The following SNX25 variants were observed in gnomAD, a reference collection of about 807,000 sequenced individuals.
The protein encoded by SNX25 is sorting nexin 25, also known as sorting nexin-25.
In SNX25, 62 loss-of-function variants were observed where a neutral mutation model predicts 113.7. That is an observed-to-expected ratio of 0.55 (90% CI 0.44 to 0.67). The LOEUF is 0.67. Ranked by LOEUF, SNX25 falls within the 30% of genes least tolerant of loss-of-function variation. The pLI is 0.00. For synonymous variants in SNX25, 421 were observed against 436.2 expected (o/e 0.97, Z 0.43); for missense variants, 1,014 against 1,161.0 (o/e 0.87, Z 1.84).
upstream of SNX25, among the ~76,000 whole-genome samples, chr4:185,208,675 C>G (rs1018277868): frequency 1.3e-5 from 2 of 151,852 alleles, no homozygotes; most frequent in African/African-American, 4.8e-5. Flanking sequence ...TTGCAGTGAG[C>G]CGAGATCGCC....
intron 1 of SNX25, among the ~76,000 whole-genome samples, chr4:185,224,855 T>C (rs1466061869): frequency 1.3e-5 from 2 of 151,652 alleles, no homozygotes; most frequent in East Asian, 3.9e-4. Context: ...CTATGTGGTA[T>C]AACAAAATGT....
intron 1 of SNX25, among the ~76,000 whole-genome samples, chr4:185,240,508 TGGCTGGGCGGGG>T (rs1372630156): frequency 6.8e-6 from 1 of 147,624 alleles, no homozygotes; most frequent in African/African-American, 2.5e-5. Context: ...ATGGGGCGGC[TGGCTGGGCGGGG>T]GGCTGACCCC....
chr4:185,218,786 T>G (rs1739313179), intron 1 of SNX25, among the ~76,000 whole-genome samples: 1 of 152,200 alleles, frequency 6.6e-6, no homozygotes, highest in Non-Finnish European at 1.5e-5. Flanking sequence ...CTTGGAAAAT[T>G]AGATAAATAT....
chr4:185,210,193 C>A lies in SNX25; in HGVS notation c.367C>A (p.Pro123Thr). ...LVCRSPRAQP[P>T]DFAAAWSRLA... ...CTGCCGGAGCCCGCGCGCCCAGCCG[C>A]CCGACTTCGCCGCCGCCTGGAGCCG... The change falls in exon 1 of 19, where the codon CCC (proline) becomes ACC (threonine). Residue 123 changes from proline (P) to threonine (T), a missense_variant. Transcript: ENST00000652585. The surrounding 1 kb of genome is among the most constrained non-coding windows in gnomAD (Gnocchi z 4.4). The A allele has an allele frequency of 1.0e-6, 1 of 984,948 alleles. No homozygotes were observed. The highest frequency in any genetic ancestry group is 4.7e-5 in the South Asian group (1 of 21,330). 61.0% of individuals were successfully genotyped at this position (984,948 alleles called of 1,614,324 possible). A position where few individuals can be genotyped will look rare whatever the true frequency, so the allele number is the denominator to read the frequency against.
chr4:185,282,606 A>G (rs1433938119), intron 5 of SNX25, among the ~76,000 whole-genome samples: 1 of 152,130 alleles, frequency 6.6e-6, no homozygotes, highest in African/African-American at 2.4e-5. Context: ...AAGAGAGATG[A>G]GGTGGCCACT....
intron 1 of SNX25, among the ~76,000 whole-genome samples, chr4:185,245,271 G>A (rs2126478502): frequency 6.6e-6 from 1 of 150,856 alleles, no homozygotes; most frequent in Non-Finnish European, 1.5e-5. Context: ...TCTTTTTAAT[G>A]TAGTCTCACT....
At chr4:185,360,791 C>T (rs1019533201) in intron 16 of SNX25, among the ~76,000 whole-genome samples, 3 of 151,938 alleles carry the variant, frequency 2.0e-5, no homozygotes, top group African/African-American at 7.3e-5. Flanking sequence ...TGGTGGCACA[C>T]GCCTGTAGTC....
intron 7 of SNX25, among the ~76,000 whole-genome samples, chr4:185,316,381 G>C (rs1389346884): frequency 1.3e-5 from 2 of 152,200 alleles, no homozygotes; most frequent in Non-Finnish European, 2.9e-5. Context: ...CACAGAACTG[G>C]AAAGTCGCAG....
chr4:185,236,921 A>G (rs984253888), intron 1 of SNX25, among the ~76,000 whole-genome samples: 2 of 152,242 alleles, frequency 1.3e-5, no homozygotes, highest in Non-Finnish European at 2.9e-5. Context: ...GAAATGTACC[A>G]AAATGTTATT....
At chr4:185,346,377 C>T (rs1172514872) in intron 12 of SNX25, among the ~76,000 whole-genome samples, 160 bp from the exon 13 acceptor site, 1 of 152,164 alleles carries the variant, frequency 6.6e-6, no homozygotes, top group Admixed American at 6.5e-5. Context: ...AGTTTCCGTT[C>T]CTCCCAATTC....
At chr4:185,282,063 C>T (rs182922586) in intron 5 of SNX25, among the ~76,000 whole-genome samples, 16 of 152,182 alleles carry the variant, frequency 1.1e-4, no homozygotes, top group Admixed American at 6.5e-4. Flanking sequence ...CATAAGCACT[C>T]GTAATGTGTA....
At chr4:185,251,781 T>G (rs931027403) in intron 2 of SNX25, among the ~76,000 whole-genome samples, 1 of 152,090 alleles carries the variant, frequency 6.6e-6, no homozygotes, top group African/African-American at 2.4e-5. Context: ...AGACGTGACC[T>G]TTATTTTAGA....
chr4:185,286,265 A>T (rs975366838), intron 5 of SNX25, among the ~76,000 whole-genome samples: 4 of 152,050 alleles, frequency 2.6e-5, no homozygotes, highest in African/African-American at 9.7e-5. Context: ...ACCGGCATGC[A>T]TCACCACTCC....
intron 6 of SNX25, among the ~76,000 whole-genome samples, chr4:185,297,063 C>G (rs983009253): frequency 1.4e-5 from 2 of 148,060 alleles, no homozygotes; most frequent in Admixed American, 6.9e-5. Context: ...GTTGATTTTT[C>G]TGCTTATTTT....
intron 1 of SNX25, among the ~76,000 whole-genome samples, chr4:185,225,481 C>T (rs1007140858): frequency 6.6e-6 from 1 of 152,148 alleles, no homozygotes; most frequent in Non-Finnish European, 1.5e-5. Context: ...GCTTTGTAAT[C>T]CTCTATGTCA....
intron 1 of SNX25, among the ~76,000 whole-genome samples, chr4:185,224,466 A>AATAG (rs1740562477): frequency 9.7e-6 from 1 of 103,620 alleles, no homozygotes; most frequent in Non-Finnish European, 2.1e-5. Flanking sequence ...TAGATATATA[A>AATAG]ATATATAAAT....
At chr4:185,248,890 A>T (rs893609283) in intron 2 of SNX25, among the ~76,000 whole-genome samples, 7 of 152,174 alleles carry the variant, frequency 4.6e-5, no homozygotes, top group African/African-American at 1.7e-4. Flanking sequence ...CTAAAACTTT[A>T]TGGAAATGGA....
At chr4:185,209,113 A>G (rs748820703), upstream of SNX25, among the ~76,000 whole-genome samples, 12 of 152,188 alleles carry the variant, frequency 7.9e-5, no homozygotes, top group Admixed American at 5.9e-4. The surrounding 1 kb of genome is among the most constrained non-coding windows in gnomAD (Gnocchi z 5.2). Flanking sequence ...TAGGAATTGC[A>G]GGCTTCACTT....
intron 6 of SNX25, among the ~76,000 whole-genome samples, chr4:185,298,767 A>G (rs1753214505): frequency 6.6e-6 from 1 of 152,150 alleles, no homozygotes. Context: ...CACTCTGTCT[A>G]GATAACTCCT....
Sources: allele counts gnomAD v4.1 joint callset (sites outside exome capture counted in the v4.1 genomes callset), GRCh38; gene constraint gnomAD v4.1.1; non-coding constraint Gnocchi (gnomAD v3.1); transcripts MANE v1.5; gene names NCBI Gene and HGNC (gene_info 2026-07-23, HGNC 2026-07-21).